NR2F1-AS1: variants seen among roughly 807,000 people sequenced by gnomAD.
NR2F1-AS1 encodes NR2F1 antisense RNA 1.
chr5:93,558,319 CTTTT>C, intron 2 of NR2F1-AS1, among the ~76,000 whole-genome samples: 1 of 138,982 alleles, frequency 7.2e-6, no homozygotes, highest in African/African-American at 2.6e-5. Flanking sequence ...AAATGTATTT[CTTTT>C]TTTTTTTTTT....
At chr5:93,546,364 GC>G (rs1434968467) in intron 4 of NR2F1-AS1, among the ~76,000 whole-genome samples, 1 of 151,956 alleles carries the variant, frequency 6.6e-6, no homozygotes, top group Non-Finnish European at 1.5e-5. Context: ...TTTCTAGAAA[GC>G]AATATCAAAG....
At chr5:93,526,340 G>T (rs1751614208) in intron 4 of NR2F1-AS1, among the ~76,000 whole-genome samples, 1 of 152,168 alleles carries the variant, frequency 6.6e-6, no homozygotes, top group Non-Finnish European at 1.5e-5. Context: ...TTCTGAAATT[G>T]AGGCAGTAAT....
chr5:93,507,978 T>G (rs1015117600), intron 4 of NR2F1-AS1, among the ~76,000 whole-genome samples: 3 of 152,122 alleles, frequency 2.0e-5, no homozygotes, highest in Non-Finnish European at 4.4e-5. Flanking sequence ...AATGGAAACT[T>G]AAATGAATGG....
intron 1 of NR2F1-AS1, among the ~76,000 whole-genome samples, chr5:93,567,137 G>C (rs547068826): frequency 6.6e-6 from 1 of 152,128 alleles, no homozygotes; most frequent in African/African-American, 2.4e-5. Context: ...ATATTTACAG[G>C]TAAATTGACT....
intron 4 of NR2F1-AS1, among the ~76,000 whole-genome samples, chr5:93,530,471 T>C (rs1334945979): frequency 6.6e-6 from 1 of 152,142 alleles, no homozygotes; most frequent in Non-Finnish European, 1.5e-5. Flanking sequence ...TCCTCTCCTT[T>C]AGGCCCTAGA....
Position 93,563,884 on chromosome 5 carries a change from C to T in NR2F1-AS1, n.314-421G>A, listed in dbSNP as rs562738856. Reference sequence around the variant, plus strand: ...TTGGGAAGCTGAGGTGGGCGGATCACGAGGTCAGGAGTTTGACACCAGCCT... The same window carrying T: ...TTGGGAAGCTGAGGTGGGCGGATCATGAGGTCAGGAGTTTGACACCAGCCT... On this transcript the variant is annotated intron_variant and non_coding_transcript_variant, in intron 1 of 5. Transcript: ENST00000660523. 5.1e-4 allele frequency among the ~76,000 whole-genome samples: 77 copies of T among 151,960 alleles called. 1 individual carries two copies. The highest frequency in any genetic ancestry group is 1.6e-3 in the African/African-American group (65 of 41,478).
At chr5:93,424,657 A>C (rs1749158641) in intron 4 of NR2F1-AS1, among the ~76,000 whole-genome samples, 2 of 152,224 alleles carry the variant, frequency 1.3e-5, no homozygotes, top group Non-Finnish European at 2.9e-5. Flanking sequence ...TGATTAAAGC[A>C]GGAAATCCTT....
At chr5:93,496,134 A>G (rs192519251) in intron 4 of NR2F1-AS1, 25 of 152,348 alleles carry the variant, frequency 1.6e-4, no homozygotes, top group African/African-American at 5.1e-4. Context: ...AGTGAAATGT[A>G]TAAGAAACTT....
At chr5:93,519,400 C>T (rs2149894583) in intron 4 of NR2F1-AS1, among the ~76,000 whole-genome samples, 1 of 152,002 alleles carries the variant, frequency 6.6e-6, no homozygotes, top group African/African-American at 2.4e-5. Context: ...CTGTGTAAAT[C>T]ATTAAAATAG....
At chr5:93,443,951 A>T (rs1466863611) in intron 4 of NR2F1-AS1, among the ~76,000 whole-genome samples, 3 of 152,184 alleles carry the variant, frequency 2.0e-5, no homozygotes. Flanking sequence ...AGCCAAACTA[A>T]GTTTCATAAG....
At chr5:93,492,156 G>A (rs1171567806) in intron 4 of NR2F1-AS1, among the ~76,000 whole-genome samples, 1 of 152,090 alleles carries the variant, frequency 6.6e-6, no homozygotes, top group Non-Finnish European at 1.5e-5. Context: ...AATTATAAGA[G>A]AATACTTGGA....
intron 4 of NR2F1-AS1, among the ~76,000 whole-genome samples, chr5:93,462,877 G>T (rs1449114853): frequency 6.6e-6 from 1 of 152,172 alleles, no homozygotes; most frequent in African/African-American, 2.4e-5. Flanking sequence ...CATTCTAAAG[G>T]TGACTTCGGT....
At chr5:93,457,532 T>C (rs1749977911) in intron 4 of NR2F1-AS1, among the ~76,000 whole-genome samples, 2 of 152,174 alleles carry the variant, frequency 1.3e-5, no homozygotes, top group African/African-American at 4.8e-5. Context: ...TCTACTTCTT[T>C]CTACATAGAC....
At chr5:93,448,375 T>A (rs1749761261) in intron 4 of NR2F1-AS1, among the ~76,000 whole-genome samples, 1 of 152,094 alleles carries the variant, frequency 6.6e-6, no homozygotes, top group Non-Finnish European at 1.5e-5. Flanking sequence ...GTGAAAAAAA[T>A]CAAAAGCATT....
At chr5:93,555,728 C>G (rs1006347581) in intron 2 of NR2F1-AS1, among the ~76,000 whole-genome samples, 1 of 152,142 alleles carries the variant, frequency 6.6e-6, no homozygotes. Flanking sequence ...GTCTGTTACC[C>G]ACTAAGTCTC....
At chr5:93,413,616 T>C (rs1748908326) in intron 4 of NR2F1-AS1, among the ~76,000 whole-genome samples, 1 of 152,160 alleles carries the variant, frequency 6.6e-6, no homozygotes, top group Non-Finnish European at 1.5e-5. Flanking sequence ...AGAACGTATG[T>C]GCATGTATTA....
chr5:93,450,273 T>C (rs1006499831), intron 4 of NR2F1-AS1, among the ~76,000 whole-genome samples: 3 of 152,238 alleles, frequency 2.0e-5, no homozygotes, highest in Non-Finnish European at 4.4e-5. Context: ...AAGCAATTTA[T>C]TTCATGTGTT....
At chr5:93,514,029 A>G (rs1441828404) in intron 4 of NR2F1-AS1, among the ~76,000 whole-genome samples, 2 of 152,034 alleles carry the variant, frequency 1.3e-5, no homozygotes, top group African/African-American at 4.8e-5. Flanking sequence ...AACACCATAA[A>G]CCAGGATTTG....
At chr5:93,501,920 T>C (rs1199219042) in intron 4 of NR2F1-AS1, among the ~76,000 whole-genome samples, 1 of 152,162 alleles carries the variant, frequency 6.6e-6, no homozygotes, top group Admixed American at 6.5e-5. Flanking sequence ...GTCTTATTTT[T>C]TAAAAATTGC....
Sources: allele counts gnomAD v4.1 joint callset (sites outside exome capture counted in the v4.1 genomes callset), GRCh38; gene constraint gnomAD v4.1.1; transcripts MANE v1.5; gene names NCBI Gene and HGNC (gene_info 2026-07-23, HGNC 2026-07-21).